Variants in KAZN observed in about 807,000 individuals in gnomAD.
The protein encoded by KAZN is kazrin, periplakin interacting protein.
In KAZN, 40 loss-of-function variants were observed where a neutral mutation model predicts 87.4. The observed-to-expected ratio is 0.46, with a 90% CI of 0.36 to 0.60. KAZN has a LOEUF of 0.60. Among genes scored for constraint, KAZN ranks in the 20% least tolerant of loss-of-function variants. The pLI, the probability that KAZN is intolerant of heterozygous loss-of-function variation, is 0.00. For synonymous variants in KAZN, 466 were observed against 458.3 expected (o/e 1.02, Z -0.22); for missense variants, 898 against 1,073.9 (o/e 0.84, Z 2.29).
At position 15,099,237 on chromosome 1, in the gene KAZN, A is replaced by G. The variant is rs1640938777; in HGVS notation, c.1548-2306A>G. Among the ~76,000 whole-genome samples the G allele has an allele frequency of 6.6e-6, 1 of 152,228 alleles. No homozygotes were observed. The highest frequency in any genetic ancestry group is 2.1e-4 in the South Asian group (1 of 4,836). On this transcript the variant is annotated intron_variant, in intron 10 of 14. Transcript: ENST00000376030. The surrounding 1 kb of genome is among the most constrained non-coding windows in gnomAD (Gnocchi z 5.4). ...CTGCAAGCCCATCCTGCTCTTAGCC[A>G]TTATTCCAGGAAGCATTCAATCAGT... is the stretch of plus-strand genomic sequence containing the variant.
intron 1 of KAZN, among the ~76,000 whole-genome samples, chr1:14,784,803 C>T (rs914886806): frequency 6.6e-6 from 1 of 152,072 alleles, no homozygotes; most frequent in African/African-American, 2.4e-5. Context: ...GAGAAAGCTG[C>T]AAATTAACAA....
chr1:14,985,306 A>G (rs956042249), intron 2 of KAZN, among the ~76,000 whole-genome samples: 2 of 102,226 alleles, frequency 2.0e-5, no homozygotes, highest in African/African-American at 6.3e-5. Flanking sequence ...AAGGTGGGAG[A>G]ATCACATGAG....
intron 1 of KAZN, among the ~76,000 whole-genome samples, chr1:14,153,043 A>G (rs1645511628): frequency 6.6e-6 from 1 of 152,160 alleles, no homozygotes; most frequent in Non-Finnish European, 1.5e-5. Flanking sequence ...TCAGATTATT[A>G]GATATTTTTC....
At chr1:14,415,470 A>T (rs1007681285) in intron 2 of KAZN, among the ~76,000 whole-genome samples, 2 of 152,144 alleles carry the variant, frequency 1.3e-5, no homozygotes, top group African/African-American at 4.8e-5. Context: ...TGGGTGCTCC[A>T]GCTGATTTCC....
intron 1 of KAZN, among the ~76,000 whole-genome samples, chr1:14,951,298 T>A (rs895740925): frequency 6.6e-6 from 1 of 152,068 alleles, no homozygotes; most frequent in Non-Finnish European, 1.5e-5. Context: ...CATCTCTGAT[T>A]CTTCCTTTCA....
intron 2 of KAZN, among the ~76,000 whole-genome samples, chr1:14,497,026 C>T (rs115222136): frequency 0.011 from 1,646 of 152,144 alleles, 28 homozygotes; most frequent in Non-Finnish European, 8.5e-3. Context: ...TTGAATGCAA[C>T]ATTGTGTTTT....
chr1:14,458,699 G>T (rs1183682896), intron 2 of KAZN, among the ~76,000 whole-genome samples: 2 of 152,040 alleles, frequency 1.3e-5, no homozygotes, highest in African/African-American at 4.8e-5. Context: ...GGCGTTCAAG[G>T]GTTCTCATTT....
At chr1:15,060,397 C>G in intron 6 of KAZN, 95 bp downstream of exon 6, 1 of 1,506,946 alleles carries the variant, frequency 6.6e-7, no homozygotes. Flanking sequence ...GCTGTTTCCT[C>G]TCGTCCACCC....
At chr1:15,016,236 G>A (rs1670086033) in intron 2 of KAZN, among the ~76,000 whole-genome samples, 1 of 152,258 alleles carries the variant, frequency 6.6e-6, no homozygotes, top group Admixed American at 6.5e-5. Flanking sequence ...AGGGGATGTG[G>A]CTCTGCCACA....
intron 1 of KAZN, among the ~76,000 whole-genome samples, chr1:14,736,299 G>GTGTGTATA (rs1214411509): frequency 1.7e-5 from 2 of 121,094 alleles, no homozygotes; most frequent in African/African-American, 6.7e-5. Context: ...GTGTGTGTGT[G>GTGTGTATA]TATATTTTTT....
At chr1:13,979,098 G>GA (rs765615982) in intron 1 of KAZN, among the ~76,000 whole-genome samples, 1,308 of 108,680 alleles carry the variant, frequency 0.012, 14 homozygotes, top group African/African-American at 0.037. Context: ...CCAGTCTCAA[G>GA]AAAAAAAAAA....
At chr1:14,350,627 G>A (rs551870013) in intron 2 of KAZN, among the ~76,000 whole-genome samples, 2 of 152,336 alleles carry the variant, frequency 1.3e-5, no homozygotes, top group South Asian at 2.1e-4. Flanking sequence ...GCACTGGACA[G>A]TGCCCACCAC....
Position 14,606,393 on chromosome 1 carries a change from G to A in KAZN, c.226+7170G>A, listed in dbSNP as rs191929590. On this transcript the variant is annotated intron_variant, in intron 1 of 14. Transcript: ENST00000376030. ...TGCTTGAGAGTTAGGCAATCAACCAGCCTCTCAGCCATCAACTGACAAAGA... is the reference window on the plus strand; with the variant it reads ...TGCTTGAGAGTTAGGCAATCAACCAACCTCTCAGCCATCAACTGACAAAGA... Among the ~76,000 whole-genome samples, 4 of 152,234 alleles carry A rather than the reference G, an allele frequency of 2.6e-5. No homozygotes were observed. The East Asian group carries it at 5.8e-4, about 22-fold the overall frequency.
chr1:13,926,914 T>C (rs1640301532), intron 1 of KAZN, among the ~76,000 whole-genome samples: 1 of 152,238 alleles, frequency 6.6e-6, no homozygotes. Flanking sequence ...TTAACCTTGC[T>C]ATGGTGCTCA....
At chr1:14,278,170 CA>C (rs34057998) in intron 2 of KAZN, among the ~76,000 whole-genome samples, 233 of 55,916 alleles carry the variant, frequency 4.2e-3, no homozygotes, top group East Asian at 0.018. Flanking sequence ...AACTCTGTCT[CA>C]AAAAAAAAAA....
intron 8 of KAZN, among the ~76,000 whole-genome samples, chr1:15,071,503 C>T (rs150201736): frequency 6.6e-6 from 1 of 152,210 alleles, no homozygotes; most frequent in African/African-American, 2.4e-5. Flanking sequence ...GATCCACCCA[C>T]CTTGGCCTCC....
intron 1 of KAZN, among the ~76,000 whole-genome samples, chr1:14,843,767 C>G (rs1483358257): frequency 6.6e-6 from 1 of 152,218 alleles, no homozygotes; most frequent in Non-Finnish European, 1.5e-5. Context: ...TAGTCCTCGT[C>G]TCTTCACAGA....
At chr1:14,557,445 G>T (rs968165078) in intron 2 of KAZN, among the ~76,000 whole-genome samples, 1 of 151,974 alleles carries the variant, frequency 6.6e-6, no homozygotes, top group African/African-American at 2.4e-5. Context: ...GAATGGCGTA[G>T]GTGTCAGAGA....
intron 1 of KAZN, among the ~76,000 whole-genome samples, chr1:13,954,914 A>C (rs1641485921): frequency 6.6e-6 from 1 of 152,104 alleles, no homozygotes; most frequent in Admixed American, 6.5e-5. Context: ...CCCTCTTTCC[A>C]ATGCTAGAAG....
Sources: allele counts gnomAD v4.1 joint callset (sites outside exome capture counted in the v4.1 genomes callset), GRCh38; gene constraint gnomAD v4.1.1; non-coding constraint Gnocchi (gnomAD v3.1); transcripts MANE v1.5; gene names NCBI Gene and HGNC (gene_info 2026-07-23, HGNC 2026-07-21).